The following PAPPA2 variants were observed in gnomAD, a reference collection of about 807,000 sequenced individuals.
PAPPA2 encodes pappalysin-2.
PAPPA2 carries 86 observed loss-of-function variants against 176.4 expected under a neutral mutation model. That is an observed-to-expected ratio of 0.49 (90% CI 0.41 to 0.58). PAPPA2 has a LOEUF of 0.58. Among genes scored for constraint, PAPPA2 ranks in the 20% least tolerant of loss-of-function variants. The pLI is 0.00. For synonymous variants in PAPPA2, 809 were observed against 852.2 expected (o/e 0.95, Z 0.88); for missense variants, 2,073 against 2,256.9 (o/e 0.92, Z 1.65).
intron 1 of PAPPA2, among the ~76,000 whole-genome samples, chr1:176,533,339 C>T (rs1283746545): frequency 2.0e-5 from 3 of 152,214 alleles, no homozygotes; most frequent in Non-Finnish European, 2.9e-5. Context: ...CCCTGTGACT[C>T]TGTCCATAGA....
chr1:176,598,740 C>T (rs12127446), intron 3 of PAPPA2, among the ~76,000 whole-genome samples: 24,304 of 151,986 alleles, frequency 0.16, 2,072 homozygotes, highest in Middle Eastern at 0.22. Flanking sequence ...ATGTTTTTTA[C>T]ACTCCTATAG....
chr1:176,535,582 C>T (rs780412665), intron 1 of PAPPA2, among the ~76,000 whole-genome samples: 16 of 152,152 alleles, frequency 1.1e-4, no homozygotes, highest in Non-Finnish European at 1.6e-4. Flanking sequence ...TTACAGGAGA[C>T]AGAGAGCAGA....
intron 3 of PAPPA2, among the ~76,000 whole-genome samples, chr1:176,636,268 T>C (rs1387158555): frequency 1.3e-5 from 2 of 152,146 alleles, no homozygotes; most frequent in African/African-American, 4.8e-5. Flanking sequence ...TTTCATTGTT[T>C]CCATATTTTA....
chr1:176,681,760 T>C (rs1659595484), intron 4 of PAPPA2, among the ~76,000 whole-genome samples: 1 of 152,078 alleles, frequency 6.6e-6, no homozygotes, highest in Non-Finnish European at 1.5e-5. Context: ...GGGAAAGAAA[T>C]GTGTTTTTAG....
intron 17 of PAPPA2, among the ~76,000 whole-genome samples, chr1:176,779,476 T>TCA (rs376976102): frequency 0.19 from 24,169 of 126,560 alleles, 2,332 homozygotes; most frequent in Admixed American, 0.27. Flanking sequence ...TCCATACTCA[T>TCA]CACACACACA....
chr1:176,577,472 C>A (rs1652719724), intron 2 of PAPPA2, among the ~76,000 whole-genome samples: 1 of 152,076 alleles, frequency 6.6e-6, no homozygotes, highest in South Asian at 2.1e-4. Flanking sequence ...GAGGTTTTTC[C>A]CTCTCTGTGC....
At chr1:176,521,885 G>C (rs180673941) in intron 1 of PAPPA2, among the ~76,000 whole-genome samples, 25 of 152,206 alleles carry the variant, frequency 1.6e-4, no homozygotes, top group African/African-American at 5.5e-4. Context: ...TAATGAGAAG[G>C]CATGAACGAG....
chr1:176,795,046 G>T (rs561593084), intron 20 of PAPPA2, among the ~76,000 whole-genome samples: 1 of 152,288 alleles, frequency 6.6e-6, no homozygotes, highest in African/African-American at 2.4e-5. Context: ...ATGTCCTCAT[G>T]TGCCCAGATC....
chr1:176,646,238 A>C (rs1657391926), intron 3 of PAPPA2, among the ~76,000 whole-genome samples: 1 of 151,460 alleles, frequency 6.6e-6, no homozygotes, highest in Admixed American at 6.6e-5. Flanking sequence ...CTTAGGTTTA[A>C]GTCTTTCATC....
intron 4 of PAPPA2, among the ~76,000 whole-genome samples, chr1:176,679,443 T>C (rs1056074550): frequency 6.6e-6 from 1 of 152,220 alleles, no homozygotes; most frequent in Non-Finnish European, 1.5e-5. Flanking sequence ...GATTTAGTGA[T>C]ACTATCATTT....
At chr1:176,780,140 A>G (rs2102924147) in intron 17 of PAPPA2, among the ~76,000 whole-genome samples, 1 of 152,328 alleles carries the variant, frequency 6.6e-6, no homozygotes, top group South Asian at 2.1e-4. Flanking sequence ...AAGGAGCAAC[A>G]GTGACCTGCA....
chr1:176,787,984 C>T (rs974709463), intron 17 of PAPPA2, among the ~76,000 whole-genome samples: 13 of 151,766 alleles, frequency 8.6e-5, no homozygotes, highest in Admixed American at 2.0e-4. Context: ...CACTTGAACC[C>T]GGGAGGCAGA....
chr1:176,814,852 G>T (rs1394448531), intron 21 of PAPPA2, among the ~76,000 whole-genome samples: 1 of 152,178 alleles, frequency 6.6e-6, no homozygotes, highest in East Asian at 1.9e-4. Context: ...AGGCATCCTT[G>T]TCTTGTGCTG....
At chr1:176,648,250 G>A (rs1573190614) in intron 3 of PAPPA2, among the ~76,000 whole-genome samples, 1 of 151,368 alleles carries the variant, frequency 6.6e-6, no homozygotes, top group African/African-American at 2.4e-5. Context: ...TGCTGTTGCT[G>A]TATATAAATG....
chr1:176,766,513 T>C (rs1050635551), intron 15 of PAPPA2, among the ~76,000 whole-genome samples: 20 of 152,168 alleles, frequency 1.3e-4, no homozygotes, highest in South Asian at 2.1e-4. Flanking sequence ...AAGAAATTAA[T>C]CTCCTTAAGC....
intron 2 of PAPPA2, among the ~76,000 whole-genome samples, chr1:176,560,972 G>T (rs1182563520): frequency 6.6e-6 from 1 of 152,182 alleles, no homozygotes; most frequent in African/African-American, 2.4e-5. Flanking sequence ...GCAAAGCACG[G>T]CAAGGCCCTG....
intron 3 of PAPPA2, among the ~76,000 whole-genome samples, chr1:176,649,741 A>T (rs1657608450): frequency 6.6e-6 from 1 of 151,390 alleles, no homozygotes; most frequent in South Asian, 2.1e-4. Flanking sequence ...TTCTAGTTTT[A>T]TTCCATTATA....
intron 14 of PAPPA2, among the ~76,000 whole-genome samples, chr1:176,760,754 C>G (rs1337539563): frequency 1.3e-5 from 2 of 152,126 alleles, no homozygotes; most frequent in African/African-American, 2.4e-5. Context: ...AGGACAATAG[C>G]CAAGGGTTAA....
chr1:176,556,683 G>A lies in PAPPA2; in HGVS notation c.361G>A (p.Ala121Thr), dbSNP rs1651317890. ...TGAAAATCCAGCAGGACTGAGGGGT[G>A]CAGTTGAAGAGCCGGCTGCCCCATG... is the stretch of plus-strand genomic sequence containing the variant. Reference protein sequence around the residue: ...LTENPAGLRGAVEEPAAPWVG... With the variant: ...LTENPAGLRGTVEEPAAPWVG... The change falls in exon 2 of 23, where the codon GCA becomes ACA. Residue 121 changes from alanine (A) to threonine (T), a missense_variant. Ala to Thr is a moderately conservative substitution (Grantham distance 58). Transcript: ENST00000367662. The A allele has an allele frequency of 1.9e-6, 3 of 1,614,066 alleles. No individual in the cohort carries two copies. Among genetic ancestry groups the A allele is most frequent in the Non-Finnish European group, 2.5e-6 (3 of 1,180,008 alleles).
Sources: allele counts gnomAD v4.1 joint callset (sites outside exome capture counted in the v4.1 genomes callset), GRCh38; gene constraint gnomAD v4.1.1; transcripts MANE v1.5; gene names NCBI Gene and HGNC (gene_info 2026-07-23, HGNC 2026-07-21).